The following DZIP3 variants were observed in gnomAD, a reference collection of about 807,000 sequenced individuals.
DZIP3 encodes E3 ubiquitin-protein ligase DZIP3.
Under a neutral mutation model 162.0 loss-of-function variants are expected in DZIP3, and 118 were observed. The ratio of observed to expected loss-of-function variants is 0.73; its 90% CI spans 0.63 to 0.85. The LOEUF (loss-of-function observed/expected upper bound fraction) is 0.85, where lower values mean the gene tolerates loss of function less well. Among genes scored for constraint, DZIP3 ranks in the 40% least tolerant of loss-of-function variants. DZIP3 has a pLI of 0.00. For synonymous variants in DZIP3, 438 were observed against 458.6 expected (o/e 0.96, Z 0.57); for missense variants, 1,331 against 1,407.0 (o/e 0.95, Z 0.86).
chr3:108,605,311 ATAAAAATATTAT>A lies in DZIP3; in HGVS notation c.-72-22_-72-11del. On this transcript the variant is annotated splice_polypyrimidine_tract_variant and intron_variant, in intron 1 of 32. Transcript: ENST00000361582. The stretch of plus-strand genomic sequence containing the variant: ...GAAAGAGTGTAACTTTCCTATCTTC[ATAAAAATATTAT>A]TTTCCTTACAGCATTAAAGGGCAGT... 6.6e-7 allele frequency: 1 copy of A among 1,510,676 alleles called. No individual in the cohort carries two copies. Among genetic ancestry groups the A allele is most frequent in the South Asian group, 1.2e-5 (1 of 85,198 alleles). 93.6% of individuals were successfully genotyped at this position (1,510,676 alleles called of 1,614,324 possible). A position where few individuals can be genotyped will look rare whatever the true frequency, so the allele number is the denominator to read the frequency against.
chr3:108,650,021 A>C (rs541539211), intron 17 of DZIP3, among the ~76,000 whole-genome samples: 5 of 151,944 alleles, frequency 3.3e-5, no homozygotes, highest in Non-Finnish European at 7.4e-5. Flanking sequence ...CATGGGTCTA[A>C]TACTACATAA....
At chr3:108,681,179 A>G (rs1944292254) in intron 26 of DZIP3, among the ~76,000 whole-genome samples, 1 of 152,174 alleles carries the variant, frequency 6.6e-6, no homozygotes, top group African/African-American at 2.4e-5. Context: ...TTGCAATCTT[A>G]TCCGTCTGAC....
At chr3:108,630,220 A>G (rs1249500008) in intron 8 of DZIP3, among the ~76,000 whole-genome samples, 1 of 152,090 alleles carries the variant, frequency 6.6e-6, no homozygotes, top group Non-Finnish European at 1.5e-5. Context: ...TTTGTTTAAT[A>G]TGAACATAGC....
intron 8 of DZIP3, among the ~76,000 whole-genome samples, chr3:108,629,549 G>T (rs997806493): frequency 6.6e-6 from 1 of 151,902 alleles, no homozygotes; most frequent in African/African-American, 2.4e-5. Flanking sequence ...TAAAGATAAA[G>T]ATGAAATTCA....
chr3:108,677,575 C>T lies in DZIP3; in HGVS notation c.2860C>T (p.Pro954Ser), dbSNP rs1944159010. ...STLPPVQLPP[P>S]PPSPEILMQQ... ...CTTGCCTCCAGTCCAGCTTCCTCCT[C>T]CACCACCCAGTCCTGAGATACTGGT... Residue 954 changes from proline (P) to serine (S), a missense_variant, in exon 26 of 33, where the codon CCA becomes TCA. Around this residue, in one of 2 missense-constraint regions of DZIP3, gnomAD observed 1,278 missense variants for 1,317.1 expected, o/e 0.97. Transcript: ENST00000361582. 1.2e-6 allele frequency: 2 copies of T among 1,612,496 alleles called. No individual in the cohort carries two copies. The highest frequency in any genetic ancestry group is 1.7e-6 in the Non-Finnish European group (2 of 1,178,876).
intron 10 of DZIP3, among the ~76,000 whole-genome samples, chr3:108,636,248 G>C (rs372825363): frequency 6.6e-6 from 1 of 151,902 alleles, no homozygotes; most frequent in Non-Finnish European, 1.5e-5. Context: ...CTAGAGAAAG[G>C]ATGTAACATT....
rs1009247294 is a variant in DZIP3 at position 108,647,928 on chromosome 3, G to T, written c.1793-15G>T. 1.3e-6 allele frequency: 2 copies of T among 1,489,170 alleles called. No homozygotes were observed. The highest frequency in any genetic ancestry group is 2.1e-4 in the Middle Eastern group (1 of 4,764). The allele number at this position is 1,489,170 out of a possible 1,614,324, so 92.2% of individuals were successfully genotyped here. A position where few individuals can be genotyped will look rare whatever the true frequency, so the allele number is the denominator to read the frequency against. ...CTTTCATCTAGATTTTGAGAATTTT[G>T]TCTTTTATGTTTAGGTATTGAAATA... is the stretch of plus-strand genomic sequence containing the variant. On this transcript the variant is annotated splice_polypyrimidine_tract_variant and intron_variant, in intron 15 of 32. Coordinates refer to ENST00000361582, the MANE Select transcript of DZIP3 (RefSeq NM_014648.4).
intron 1 of DZIP3, among the ~76,000 whole-genome samples, chr3:108,591,568 C>T (rs1389568340): frequency 6.6e-6 from 1 of 152,168 alleles, no homozygotes; most frequent in Non-Finnish European, 1.5e-5. Context: ...AAAATCTTCA[C>T]CAAAATTGAT....
At chr3:108,661,601 A>G (rs1053301179) in intron 19 of DZIP3, among the ~76,000 whole-genome samples, 14 of 152,080 alleles carry the variant, frequency 9.2e-5, no homozygotes, top group African/African-American at 3.4e-4. Flanking sequence ...AAACCTGCAC[A>G]TTGTGCACAT....
intron 25 of DZIP3, among the ~76,000 whole-genome samples, chr3:108,676,671 A>G (rs866049421): frequency 2.1e-4 from 31 of 151,024 alleles, no homozygotes; most frequent in South Asian, 8.4e-4. Flanking sequence ...TATTTGTCCA[A>G]CTCCCTTGGG....
intron 15 of DZIP3, among the ~76,000 whole-genome samples, chr3:108,646,973 A>G (rs1260104534): frequency 1.3e-5 from 2 of 152,164 alleles, no homozygotes; most frequent in Admixed American, 1.3e-4. Flanking sequence ...CATGGAAGGC[A>G]GAGGTTGCAG....
chr3:108,608,223 A>G (rs1490888168), intron 3 of DZIP3, 65 bp downstream of exon 3: 3 of 1,284,542 alleles, frequency 2.3e-6, no homozygotes, highest in Middle Eastern at 2.1e-4. Context: ...ATGCAAATGC[A>G]GTAATACATC....
chr3:108,602,204 T>C (rs980108263), intron 1 of DZIP3, among the ~76,000 whole-genome samples: 1 of 152,150 alleles, frequency 6.6e-6, no homozygotes, highest in Non-Finnish European at 1.5e-5. Flanking sequence ...TAAAAAATTA[T>C]GCATAAGAGC....
chr3:108,660,483 C>T (rs553622233), intron 19 of DZIP3, among the ~76,000 whole-genome samples: 2,453 of 151,344 alleles, frequency 0.016, 73 homozygotes, highest in African/African-American at 0.057. Flanking sequence ...GTACAAAAAC[C>T]AATTCAAGAT....
chr3:108,601,097 T>C (rs1939988155), intron 1 of DZIP3, among the ~76,000 whole-genome samples: 2 of 152,226 alleles, frequency 1.3e-5, no homozygotes, highest in Non-Finnish European at 2.9e-5. Flanking sequence ...CTTATTTTTC[T>C]TCCCCAGAAC....
Position 108,684,218 on chromosome 3 carries a change from G to A in DZIP3, c.2886G>A (p.Met962Ile), listed in dbSNP as rs1330184909. The change falls in exon 27 of 33, where the codon ATG (methionine) becomes ATA (isoleucine). Residue 962 changes from methionine to isoleucine, a missense_variant and splice_region_variant. Physicochemically the swap from Met to Ile is conservative, Grantham distance 10 (BLOSUM62 1). Transcript: ENST00000361582. ...ATTGTTTATATTTTCTATTTTAGAT[G>A]CAGCAGTTCTTAGGAAGACCTCTTG... is the stretch of plus-strand genomic sequence containing the variant. ...PPPPPSPEIL[M>I]QQFLGRPLVK... 1.9e-6 allele frequency: 3 copies of A among 1,603,600 alleles called. No individual in the cohort carries two copies. Among genetic ancestry groups the A allele is most frequent in the Admixed American group, 1.7e-5 (1 of 58,640 alleles).
At chr3:108,651,572 T>C (rs1942869745) in intron 18 of DZIP3, among the ~76,000 whole-genome samples, 1 of 151,632 alleles carries the variant, frequency 6.6e-6, no homozygotes, top group Admixed American at 6.6e-5. Flanking sequence ...CCTAGGTGTG[T>C]AGTAGGCTAT....
In DZIP3 at chr3:108,648,935, G is replaced by A. The variant is rs769953395; in HGVS notation, c.1980G>A (p.Arg660=). ...KDLQEVKSKQ[R]KKKKTKNKKN... Reference sequence around the variant, plus strand: ...CCTACTAGGTTAAGAGTAAACAAAGGAAAAAGAAGAAGACTAAGAATAAAA... The same window carrying A: ...CCTACTAGGTTAAGAGTAAACAAAGAAAAAAGAAGAAGACTAAGAATAAAA... Residue 660 remains arginine (R), a synonymous_variant, in exon 17 of 33, where the codon AGG becomes AGA. Coordinates refer to ENST00000361582, the MANE Select transcript of DZIP3 (RefSeq NM_014648.4). The A allele has an allele frequency of 1.7e-6, 2 of 1,160,940 alleles. No homozygotes were observed. Among genetic ancestry groups the A allele is most frequent in the Non-Finnish European group, 2.3e-6 (2 of 876,486 alleles). The allele number at this position is 1,160,940 out of a possible 1,614,324, so 71.9% of individuals were successfully genotyped here.
chr3:108,591,094 T>TCTTCAA (rs1939384437), intron 1 of DZIP3, among the ~76,000 whole-genome samples: 2 of 152,256 alleles, frequency 1.3e-5, no homozygotes, highest in Non-Finnish European at 1.5e-5. Flanking sequence ...AAGCAACATT[T>TCTTCAA]GGGGAAATGC....
Sources: allele counts gnomAD v4.1 joint callset (sites outside exome capture counted in the v4.1 genomes callset), GRCh38; gene constraint gnomAD v4.1.1; regional missense constraint gnomAD v4.1.1; transcripts MANE v1.5; gene names NCBI Gene and HGNC (gene_info 2026-07-23, HGNC 2026-07-21).